Variants in LRP1B observed in about 807,000 individuals in gnomAD.
LRP1B encodes the protein LDL receptor related protein 1B.
In LRP1B, 217 loss-of-function variants were observed where a neutral mutation model predicts 556.6. The observed-to-expected ratio is 0.39, with a 90% CI of 0.35 to 0.44. The LOEUF is 0.44. Among genes scored for constraint, LRP1B ranks in the 20% least tolerant of loss-of-function variants. The pLI, the probability that LRP1B is intolerant of heterozygous loss-of-function variation, is 1.00. For missense variants in LRP1B, 5,053 were observed against 5,620.8 expected, an observed-to-expected ratio of 0.90 and a Z score of 3.23; for synonymous variants, 2,047 against 1,865.8, an observed-to-expected ratio of 1.10 and a Z score of -2.50.
At chr2:140,511,060 G>T (rs1689630850) in intron 51 of LRP1B, among the ~76,000 whole-genome samples, 1 of 151,580 alleles carries the variant, frequency 6.6e-6, no homozygotes, top group Admixed American at 6.6e-5. Context: ...TGCTAAAAAA[G>T]AAATTTGTTG....
intron 1 of LRP1B, among the ~76,000 whole-genome samples, chr2:141,936,906 G>GTT (rs11312481): frequency 2.1e-5 from 3 of 143,442 alleles, no homozygotes; most frequent in African/African-American, 2.5e-5. Context: ...ACACACATTA[G>GTT]TTTTTTTTTT....
chr2:140,543,778 T>A (rs1375623894), intron 43 of LRP1B, among the ~76,000 whole-genome samples: 2 of 151,996 alleles, frequency 1.3e-5, no homozygotes, highest in Non-Finnish European at 2.9e-5. Flanking sequence ...AAAAAACATT[T>A]AACAGAATCT....
chr2:141,389,303 G>T (rs961020418), intron 3 of LRP1B, among the ~76,000 whole-genome samples: 5 of 152,146 alleles, frequency 3.3e-5, no homozygotes, highest in African/African-American at 1.2e-4. Flanking sequence ...AGAATTAAGA[G>T]TATAAAATAT....
chr2:140,982,126 T>A, intron 18 of LRP1B, 34 bp downstream of exon 18: 1 of 1,513,512 alleles, frequency 6.6e-7, no homozygotes, highest in Non-Finnish European at 9.2e-7. Flanking sequence ...TCTGACACAA[T>A]CTGTAATAAT....
chr2:141,099,742 C>A (rs1326817171), intron 7 of LRP1B, among the ~76,000 whole-genome samples: 1 of 152,094 alleles, frequency 6.6e-6, no homozygotes, highest in Non-Finnish European at 1.5e-5. Flanking sequence ...GAAACTATTC[C>A]ACATGTGTAG....
chr2:141,477,759 G>C (rs371445915), intron 3 of LRP1B, among the ~76,000 whole-genome samples: 1 of 152,132 alleles, frequency 6.6e-6, no homozygotes, highest in East Asian at 1.9e-4. Flanking sequence ...AGTGTGCAAG[G>C]CCAGAAAAGA....
intron 9 of LRP1B, among the ~76,000 whole-genome samples, chr2:141,056,174 G>A (rs1286369993): frequency 6.6e-6 from 1 of 151,664 alleles, no homozygotes; most frequent in Non-Finnish European, 1.5e-5. Context: ...TGAGTGAAAT[G>A]CAATTTTTAC....
chr2:141,933,972 C>G (rs13406084), intron 1 of LRP1B, among the ~76,000 whole-genome samples: 6,824 of 151,910 alleles, frequency 0.045, 165 homozygotes, highest in African/African-American at 0.074. Flanking sequence ...AGAGAATAAG[C>G]ACTATAAAGA....
At chr2:141,965,007 A>T (rs1208921808) in intron 1 of LRP1B, among the ~76,000 whole-genome samples, 4 of 144,536 alleles carry the variant, frequency 2.8e-5, no homozygotes, top group Non-Finnish European at 4.6e-5. Context: ...GCTCATCATC[A>T]CTGGCCATCA....
intron 1 of LRP1B, among the ~76,000 whole-genome samples, chr2:141,850,955 TG>T (rs1340332322): frequency 6.6e-6 from 1 of 151,746 alleles, no homozygotes; most frequent in Admixed American, 6.6e-5. Context: ...ATAACTCCTT[TG>T]GGCTCTGTAA....
Position 141,030,833 on chromosome 2 carries a change from A to C in LRP1B, c.1790-10731T>G, listed in dbSNP as rs1698348336. Among the ~76,000 whole-genome samples, 3 of 152,186 alleles carry C rather than the reference A, an allele frequency of 2.0e-5. No homozygotes were observed. The South Asian group carries it at 6.2e-4, about 32-fold the overall frequency. On this transcript the variant is annotated intron_variant, in intron 11 of 90. Coordinates refer to ENST00000389484, the MANE Select transcript of LRP1B (RefSeq NM_018557.3). The stretch of plus-strand genomic sequence containing the variant: ...AAGAAAAAATAAAAGTTAATGAATA[A>C]AGAGAAAAGAGAATTGATAGGTGTT...
chr2:142,015,988 T>A (rs1159752426), intron 1 of LRP1B, among the ~76,000 whole-genome samples: 2 of 1,602 alleles, frequency 1.2e-3, no homozygotes, highest in African/African-American at 8.6e-4. Flanking sequence ...CGAGACTCCA[T>A]CTCAAAAAAA....
At chr2:141,778,150 A>G (rs1695137259) in intron 2 of LRP1B, among the ~76,000 whole-genome samples, 1 of 152,188 alleles carries the variant, frequency 6.6e-6, no homozygotes, top group Non-Finnish European at 1.5e-5. Context: ...TGTTATTAAT[A>G]TTAATATTGT....
chr2:140,357,849 GT>G (rs1682302586), intron 74 of LRP1B, 129 bp downstream of exon 74: 1 of 1,063,978 alleles, frequency 9.4e-7, no homozygotes, highest in East Asian at 2.4e-5. Flanking sequence ...TTTGGCAAAG[GT>G]TTTTGAAAAA....
At chr2:140,756,995 G>C (rs1354471978) in intron 35 of LRP1B, among the ~76,000 whole-genome samples, 2 of 151,784 alleles carry the variant, frequency 1.3e-5, no homozygotes, top group Admixed American at 1.3e-4. Flanking sequence ...TAATAAAATG[G>C]GCAAAAGCTT....
chr2:141,567,517 T>C (rs1373501156), intron 2 of LRP1B, among the ~76,000 whole-genome samples: 1 of 152,112 alleles, frequency 6.6e-6, no homozygotes, highest in African/African-American at 2.4e-5. Flanking sequence ...ATTCAACCTA[T>C]AATTTACATT....
At chr2:141,664,233 A>C (rs1690336503) in intron 2 of LRP1B, among the ~76,000 whole-genome samples, 1 of 152,196 alleles carries the variant, frequency 6.6e-6, no homozygotes, top group Non-Finnish European at 1.5e-5. Context: ...TTGATGGAAC[A>C]TAACTCAAAA....
At chr2:141,275,332 T>C (rs1310561684) in intron 3 of LRP1B, among the ~76,000 whole-genome samples, 4 of 151,890 alleles carry the variant, frequency 2.6e-5, no homozygotes, top group Admixed American at 2.6e-4. Flanking sequence ...GTAGGCAGAG[T>C]ATGGGGGAGA....
At chr2:141,798,219 G>C (rs1217637614) in intron 2 of LRP1B, among the ~76,000 whole-genome samples, 2 of 148,818 alleles carry the variant, frequency 1.3e-5, no homozygotes, top group East Asian at 3.9e-4. Flanking sequence ...ATATGTATTA[G>C]AGACAGATGA....
Sources: allele counts gnomAD v4.1 joint callset (sites outside exome capture counted in the v4.1 genomes callset), GRCh38; gene constraint gnomAD v4.1.1; transcripts MANE v1.5; gene names NCBI Gene and HGNC (gene_info 2026-07-23, HGNC 2026-07-21).